HMCN1: variants seen among roughly 807,000 people sequenced by gnomAD.
HMCN1 encodes the protein hemicentin 1.
Under a neutral mutation model 625.9 loss-of-function variants are expected in HMCN1, and 321 were observed. The observed-to-expected ratio is 0.51, with a 90% CI of 0.47 to 0.56. HMCN1 has a LOEUF of 0.56. Among genes scored for constraint, HMCN1 ranks in the 20% least tolerant of loss-of-function variants. The pLI, the probability that HMCN1 is intolerant of heterozygous loss-of-function variation, is 0.00. For missense variants in HMCN1, 6,588 were observed against 6,887.3 expected (o/e 0.96, Z 1.54); for synonymous variants, 2,425 against 2,417.6 (o/e 1.00, Z -0.09).
In HMCN1 at chr1:186,151,189, T is replaced by A. The variant is rs750158195; in HGVS notation, c.14609-11T>A. The A allele has an allele frequency of 1.2e-6, 2 of 1,613,290 alleles. No homozygotes were observed. Among genetic ancestry groups the A allele is most frequent in the Admixed American group, 1.7e-5 (1 of 59,978 alleles). ...ATCCTTATCCAGGAATGTTTTTTTTTCCCCCAATAGGTGGGCCCCAGCGAG... is the reference window on the plus strand; with the variant it reads ...ATCCTTATCCAGGAATGTTTTTTTTACCCCCAATAGGTGGGCCCCAGCGAG... On this transcript the variant is annotated splice_polypyrimidine_tract_variant and intron_variant, in intron 93 of 106. Transcript: ENST00000271588.
chr1:185,978,255 G>A (rs1292782020), intron 16 of HMCN1: 2 of 351,404 alleles, frequency 5.7e-6, no homozygotes, highest in Non-Finnish European at 1.0e-5. Flanking sequence ...TGCAAATAGA[G>A]TCATCTGAGC....
chr1:186,115,351 C>T lies in HMCN1; in HGVS notation c.11498C>T (p.Pro3833Leu), dbSNP rs2102475519. 1 of 1,613,850 alleles carries T rather than the reference C, an allele frequency of 6.2e-7. No homozygotes were observed. Among genetic ancestry groups the T allele is most frequent in the East Asian group, 2.2e-5 (1 of 44,864 alleles). Reference protein sequence around the residue: ...LACEATGIPKPSINWRKNGHL... With the variant: ...LACEATGIPKLSINWRKNGHL... ...TGTGAGGCTACTGGGATACCAAAACCATCAATCAATTGGAGAAAAAATGGG... is the reference window on the plus strand; with the variant it reads ...TGTGAGGCTACTGGGATACCAAAACTATCAATCAATTGGAGAAAAAATGGG... The change falls in exon 75 of 107, where the codon CCA becomes CTA. Residue 3833 changes from proline to leucine, a missense_variant. Physicochemically the swap from Pro to Leu is moderately conservative, Grantham distance 98. Coordinates refer to ENST00000271588, the MANE Select transcript of HMCN1 (RefSeq NM_031935.3).
At chr1:185,785,645 G>A (rs1295507113) in intron 1 of HMCN1, among the ~76,000 whole-genome samples, 2 of 152,070 alleles carry the variant, frequency 1.3e-5, no homozygotes, top group Non-Finnish European at 2.9e-5. Context: ...AATCAAATTT[G>A]GCTTCGTTCT....
At chr1:185,895,615 A>G (rs1665439028) in intron 4 of HMCN1, among the ~76,000 whole-genome samples, 1 of 152,232 alleles carries the variant, frequency 6.6e-6, no homozygotes, top group Non-Finnish European at 1.5e-5. Context: ...TGTTTCATTT[A>G]CAAAACAAGC....
At chr1:185,750,762 T>A (rs1292389207) in intron 1 of HMCN1, among the ~76,000 whole-genome samples, 2 of 152,078 alleles carry the variant, frequency 1.3e-5, no homozygotes, top group East Asian at 1.9e-4. Context: ...TTATTTTATG[T>A]TTTCTATTTA....
chr1:186,024,488 G>A (rs1654931638), intron 36 of HMCN1, among the ~76,000 whole-genome samples: 1 of 152,074 alleles, frequency 6.6e-6, no homozygotes, highest in African/African-American at 2.4e-5. Flanking sequence ...TTCAGTTCTT[G>A]TCTGGTCTCT....
intron 11 of HMCN1, among the ~76,000 whole-genome samples, chr1:185,950,156 G>A (rs988723567): frequency 1.3e-5 from 2 of 151,454 alleles, no homozygotes; most frequent in East Asian, 3.9e-4. Context: ...GTGGTATCGG[G>A]AATAATGTGG....
intron 4 of HMCN1, among the ~76,000 whole-genome samples, chr1:185,892,920 C>T (rs1425387743): frequency 6.6e-6 from 1 of 152,134 alleles, no homozygotes; most frequent in Non-Finnish European, 1.5e-5. Context: ...CTCGCTGCCG[C>T]CTTGCAGTTT....
rs572820970 is a variant in HMCN1 at position 185,809,467 on chromosome 1, A to G, written c.269-36559A>G. 2.1e-4 allele frequency among the ~76,000 whole-genome samples: 32 copies of G among 151,960 alleles called. 1 individual carries two copies. The highest frequency in any genetic ancestry group is 7.5e-4 in the African/African-American group (31 of 41,508). On this transcript the variant is annotated intron_variant, in intron 1 of 106. Coordinates refer to ENST00000271588, the MANE Select transcript of HMCN1 (RefSeq NM_031935.3). ...TATAACATAGTATGTGCACATGTATATACATGTGATTACATATATATATCA... is the reference window on the plus strand; with the variant it reads ...TATAACATAGTATGTGCACATGTATGTACATGTGATTACATATATATATCA...
In HMCN1 at chr1:185,978,073, A is replaced by C. The variant is rs1003855298; in HGVS notation, c.2566+92A>C. On this transcript the variant is annotated intron_variant, in intron 16 of 106. Coordinates refer to ENST00000271588, the MANE Select transcript of HMCN1 (RefSeq NM_031935.3). ...TAGGTATTGCTATTTAAAATAGTAT[A>C]TTAATCTTGCCAACACATTTTATGT... 32 of 919,140 alleles carry C rather than the reference A, an allele frequency of 3.5e-5. No homozygotes were observed. In the South Asian group the frequency reaches 4.8e-4, roughly 14 times the overall value. The allele number at this position is 919,140 out of a possible 1,614,324, so 56.9% of individuals were successfully genotyped here.
At chr1:185,793,822 A>C (rs574948464) in intron 1 of HMCN1, among the ~76,000 whole-genome samples, 1 of 152,280 alleles carries the variant, frequency 6.6e-6, no homozygotes, top group South Asian at 2.1e-4. Flanking sequence ...TTGGAGGTAA[A>C]AGTCATACCG....
chr1:185,909,964 A>G (rs1666322228), intron 5 of HMCN1, among the ~76,000 whole-genome samples: 1 of 152,132 alleles, frequency 6.6e-6, no homozygotes. Flanking sequence ...AACCAAATTT[A>G]TATTCTTAGT....
At chr1:185,951,386 C>G (rs1668661145) in intron 11 of HMCN1, among the ~76,000 whole-genome samples, 2 of 151,642 alleles carry the variant, frequency 1.3e-5, no homozygotes, top group Non-Finnish European at 2.9e-5. Flanking sequence ...CGTCAATACC[C>G]ACAACAGTTA....
intron 1 of HMCN1, among the ~76,000 whole-genome samples, chr1:185,744,557 T>G (rs1439967308): frequency 6.6e-6 from 1 of 152,210 alleles, no homozygotes; most frequent in East Asian, 1.9e-4. Flanking sequence ...TGTCAGGGAC[T>G]GTGCTAGGTG....
intron 10 of HMCN1, among the ~76,000 whole-genome samples, chr1:185,929,145 G>T (rs1258861367): frequency 6.6e-6 from 1 of 152,096 alleles, no homozygotes; most frequent in Non-Finnish European, 1.5e-5. Flanking sequence ...AAGGTTAAAT[G>T]TTCCCTTTTC....
chr1:186,096,710 T>C (rs1660154983), intron 68 of HMCN1, among the ~76,000 whole-genome samples: 1 of 152,088 alleles, frequency 6.6e-6, no homozygotes, highest in Non-Finnish European at 1.5e-5. Flanking sequence ...ATCAAGTGGG[T>C]TGCATTCCAG....
intron 22 of HMCN1, among the ~76,000 whole-genome samples, chr1:185,992,320 C>T (rs1652483931): frequency 6.6e-6 from 1 of 152,186 alleles, no homozygotes; most frequent in East Asian, 1.9e-4. Flanking sequence ...CTTTTTGTAT[C>T]TTAACATGAA....
At position 186,132,486 on chromosome 1, in the gene HMCN1, C is replaced by A. The variant is rs1661994422; in HGVS notation, c.13312+77C>A. The stretch of plus-strand genomic sequence containing the variant: ...AATAAAGAGTATTTATTTTCTTTAA[C>A]TCTATAGCAAGTTCATTAGTGGTAG... On this transcript the variant is annotated intron_variant, in intron 86 of 106. Coordinates refer to ENST00000271588, the MANE Select transcript of HMCN1 (RefSeq NM_031935.3). 27 of 1,175,930 alleles carry A rather than the reference C, an allele frequency of 2.3e-5. 1 individual carries two copies. In the South Asian group the frequency reaches 3.1e-4, roughly 14 times the overall value. The allele number at this position is 1,175,930 out of a possible 1,614,324, so 72.8% of individuals were successfully genotyped here.
At position 186,189,972 on chromosome 1, in the gene HMCN1, C is replaced by A; in HGVS notation, c.*94C>A. 7.0e-7 allele frequency: 1 copy of A among 1,422,260 alleles called. No homozygotes were observed. The highest frequency in any genetic ancestry group is 9.8e-7 in the Non-Finnish European group (1 of 1,017,910). The allele number at this position is 1,422,260 out of a possible 1,614,324, so 88.1% of individuals were successfully genotyped here. A position where few individuals can be genotyped will look rare whatever the true frequency, so the allele number is the denominator to read the frequency against. On this transcript the variant is annotated 3_prime_UTR_variant, in exon 107 of 107. Coordinates refer to ENST00000271588, the MANE Select transcript of HMCN1 (RefSeq NM_031935.3). ...TTACTGTCTCTTGAACAGTTGCAAT[C>A]TTGGCAGCTTGAAAATGGTGCTACA... is the stretch of plus-strand genomic sequence containing the variant.
Sources: allele counts gnomAD v4.1 joint callset (sites outside exome capture counted in the v4.1 genomes callset), GRCh38; gene constraint gnomAD v4.1.1; transcripts MANE v1.5; gene names NCBI Gene and HGNC (gene_info 2026-07-23, HGNC 2026-07-21).